GREM1: variants seen among roughly 807,000 people sequenced by gnomAD.
GREM1 encodes gremlin-1.
In GREM1, 6 loss-of-function variants were observed where a neutral mutation model predicts 13.1. The ratio of observed to expected loss-of-function variants is 0.46; its 90% CI spans 0.25 to 0.91. The LOEUF (loss-of-function observed/expected upper bound fraction) is 0.91. Ranked by LOEUF, GREM1 falls within the 40% of genes least tolerant of loss-of-function variation. GREM1 has a pLI of 0.18. For synonymous variants in GREM1, 98 were observed against 93.7 expected (o/e 1.05, Z -0.27); for missense variants, 185 against 233.9 (o/e 0.79, Z 1.36).
At chr15:32,725,850 C>T (rs547160853) in intron 1 of GREM1, among the ~76,000 whole-genome samples, 96 of 151,562 alleles carry the variant, frequency 6.3e-4, no homozygotes, top group African/African-American at 2.2e-3. Flanking sequence ...CAGTTTTCTG[C>T]GTATGGCTAG....
chr15:32,718,217 A>G lies in GREM1; in HGVS notation c.-2+56A>G, dbSNP rs2055328244. 3 of 1,284,892 alleles carry G rather than the reference A, an allele frequency of 2.3e-6. No homozygotes were observed. In the East Asian group the frequency reaches 1.1e-4, roughly 47 times the overall value. The allele number at this position is 1,284,892 out of a possible 1,614,324, so 79.6% of individuals were successfully genotyped here. On this transcript the variant is annotated intron_variant, in intron 1 of 1. Transcript: ENST00000651154. ...AGTGGGCGGAGGGAAGAGGGCCGCA[A>G]ACCAACCCAGGACCCGCTCAGTTCC...
At position 32,732,491 on chromosome 15, in the gene GREM1, G is replaced by A. The variant is rs1379651916; in HGVS notation, c.*1246G>A. 8.1e-6 allele frequency: 2 copies of A among 245,510 alleles called. No individual in the cohort carries two copies. The highest frequency in any genetic ancestry group is 1.7e-5 in the Non-Finnish European group (2 of 116,528). 15.2% of individuals were successfully genotyped at this position (245,510 alleles called of 1,614,324 possible). A position where few individuals can be genotyped will look rare whatever the true frequency, so the allele number is the denominator to read the frequency against. ...TATTGTCAGGAGATTGGGCTAAAGA[G>A]AAGACGACGAGAGTAAGGAAATAAA... is the stretch of plus-strand genomic sequence containing the variant. On this transcript the variant is annotated 3_prime_UTR_variant, in exon 2 of 2. Coordinates refer to ENST00000651154, the MANE Select transcript of GREM1 (RefSeq NM_013372.7).
chr15:32,721,782 A>C (rs946615806), intron 1 of GREM1, among the ~76,000 whole-genome samples: 10 of 152,150 alleles, frequency 6.6e-5, no homozygotes, highest in African/African-American at 2.4e-4. Context: ...GCAGTGACTA[A>C]CACATCTTTC....
rs2055682353 is a variant in GREM1, at chr15:32,735,257, G to T, written c.*4012G>T. 1 of 152,112 alleles carries T rather than the reference G, an allele frequency of 6.6e-6. No homozygotes were observed. The highest frequency in any genetic ancestry group is 1.9e-4 in the East Asian group (1 of 5,182). The allele number at this position is 152,112 out of a possible 1,614,324, so 9.4% of individuals were successfully genotyped here. ...AATACAAGATTTCTATTAGGTATGG[G>T]TGCTCTGATGATAATGAAAATCCCA... is the stretch of plus-strand genomic sequence containing the variant. On this transcript the variant is annotated 3_prime_UTR_variant, in exon 2 of 2. Coordinates refer to ENST00000651154, the MANE Select transcript of GREM1 (RefSeq NM_013372.7).
Position 32,718,071 on chromosome 15 carries a change from A to AC in GREM1, c.-88dup, listed in dbSNP as rs2055324453. 5 of 1,215,438 alleles carry AC rather than the reference A, an allele frequency of 4.1e-6. No individual in the cohort carries two copies. Among genetic ancestry groups the AC allele is most frequent in the Non-Finnish European group, 5.2e-6 (5 of 965,378 alleles). The allele number at this position is 1,215,438 out of a possible 1,614,324, so 75.3% of individuals were successfully genotyped here. ...CGCCGCGTCACTCTCGGTCCCGCTG[A>AC]CCCCGCGCCGAGCCCCGGCGGCTCT... On this transcript the variant is annotated 5_prime_UTR_variant, in exon 1 of 2. Transcript: ENST00000651154.
intron 1 of GREM1, among the ~76,000 whole-genome samples, chr15:32,726,673 C>CA (rs1298291813): frequency 4.1e-5 from 6 of 145,474 alleles, no homozygotes; most frequent in African/African-American, 1.5e-4. Flanking sequence ...GATAGAGACA[C>CA]AAAAAACCCT....
rs981545720 is a variant in GREM1 at position 32,735,022 on chromosome 15, G to A, written c.*3777G>A. 2.6e-5 allele frequency: 4 copies of A among 152,570 alleles called. No individual in the cohort carries two copies. The highest frequency in any genetic ancestry group is 9.6e-5 in the African/African-American group (4 of 41,560). The allele number at this position is 152,570 out of a possible 1,614,324, so 9.5% of individuals were successfully genotyped here. A position where few individuals can be genotyped will look rare whatever the true frequency, so the allele number is the denominator to read the frequency against. On this transcript the variant is annotated 3_prime_UTR_variant, in exon 2 of 2. Coordinates refer to ENST00000651154, the MANE Select transcript of GREM1 (RefSeq NM_013372.7). ...CAGGGGAAAAGCAGGAGAAAGATTT[G>A]GGGCTCAGTAGAAGGAAAAGCTTCC...
chr15:32,744,532 C>T lies in GREM1; in HGVS notation c.*13287C>T, dbSNP rs1014097158. The T allele has an allele frequency of 1.4e-5, 2 of 146,050 alleles. No homozygotes were observed. Among genetic ancestry groups the T allele is most frequent in the African/African-American group, 5.1e-5 (2 of 39,144 alleles). 9.0% of individuals were successfully genotyped at this position (146,050 alleles called of 1,614,324 possible). ...AGCTTGCAGTGAGCCGAGATCACGC[C>T]ACTGCGCTCCAGCCTGGGCGACAGA... is the stretch of plus-strand genomic sequence containing the variant. On this transcript the variant is annotated 3_prime_UTR_variant, in exon 2 of 2. Coordinates refer to ENST00000651154, the MANE Select transcript of GREM1 (RefSeq NM_013372.7).
chr15:32,728,255 A>G (rs2055549238), intron 1 of GREM1, among the ~76,000 whole-genome samples: 1 of 152,256 alleles, frequency 6.6e-6, no homozygotes, highest in Non-Finnish European at 1.5e-5. Flanking sequence ...AGGCTACAGT[A>G]ACAAAAACAG....
At position 32,740,125 on chromosome 15, in the gene GREM1, G is replaced by A. The variant is rs893976713; in HGVS notation, c.*8880G>A. 6.6e-6 allele frequency: 1 copy of A among 152,214 alleles called. No homozygotes were observed. The highest frequency in any genetic ancestry group is 1.5e-5 in the Non-Finnish European group (1 of 68,072). The allele number at this position is 152,214 out of a possible 1,614,324, so 9.4% of individuals were successfully genotyped here. A position where few individuals can be genotyped will look rare whatever the true frequency, so the allele number is the denominator to read the frequency against. On this transcript the variant is annotated 3_prime_UTR_variant, in exon 2 of 2. Coordinates refer to ENST00000651154, the MANE Select transcript of GREM1 (RefSeq NM_013372.7). ...AAATCACTGGGCAGACTTATTGGTG[G>A]GGGTCTTCTCCTCTGAGGCCCAGCT...
rs1421666262 is a variant in GREM1 at position 32,734,283 on chromosome 15, C to T, written c.*3038C>T. The T allele has an allele frequency of 4.1e-6, 1 of 244,572 alleles. No homozygotes were observed. The highest frequency in any genetic ancestry group is 2.2e-5 in the African/African-American group (1 of 45,166). 15.2% of individuals were successfully genotyped at this position (244,572 alleles called of 1,614,324 possible). A position where few individuals can be genotyped will look rare whatever the true frequency, so the allele number is the denominator to read the frequency against. On this transcript the variant is annotated 3_prime_UTR_variant, in exon 2 of 2. Coordinates refer to ENST00000651154, the MANE Select transcript of GREM1 (RefSeq NM_013372.7). ...TTGGAAGACTTACGATGCATGTATA[C>T]AAACGAATAGCAGATAATGATGACT... is the stretch of plus-strand genomic sequence containing the variant.
At chr15:32,726,433 T>C (rs2140680466) in intron 1 of GREM1, among the ~76,000 whole-genome samples, 1 of 152,250 alleles carries the variant, frequency 6.6e-6, no homozygotes, top group South Asian at 2.1e-4. Context: ...AATAAATAGG[T>C]TCTTTGAAAG....
At position 32,734,377 on chromosome 15, in the gene GREM1, G is replaced by A; in HGVS notation, c.*3132G>A. 1 of 246,548 alleles carries A rather than the reference G, an allele frequency of 4.1e-6. No homozygotes were observed. Among genetic ancestry groups the A allele is most frequent in the Non-Finnish European group, 8.5e-6 (1 of 117,212 alleles). The allele number at this position is 246,548 out of a possible 1,614,324, so 15.3% of individuals were successfully genotyped here. ...AAGTGGATAAACAGAACATTTATAA[G>A]TGATCAGTTAATGCCTAAGAGTGAA... On this transcript the variant is annotated 3_prime_UTR_variant, in exon 2 of 2. Transcript: ENST00000651154.
chr15:32,728,800 C>T (rs766288234), intron 1 of GREM1, among the ~76,000 whole-genome samples: 1 of 152,092 alleles, frequency 6.6e-6, no homozygotes, highest in Non-Finnish European at 1.5e-5. Flanking sequence ...GATTCAGGTC[C>T]GATTGTTGTG....
intron 1 of GREM1, among the ~76,000 whole-genome samples, chr15:32,730,002 G>A (rs779104219): frequency 6.6e-6 from 1 of 152,160 alleles, no homozygotes; most frequent in Non-Finnish European, 1.5e-5. Flanking sequence ...CTGTCACATT[G>A]ACATCGAGTT....
chr15:32,719,541 C>T (rs1329503089), intron 1 of GREM1, among the ~76,000 whole-genome samples: 1 of 82,152 alleles, frequency 1.2e-5, no homozygotes, highest in South Asian at 4.8e-4. Flanking sequence ...GGTTAAAATC[C>T]CCCTCTTAAA....
At position 32,730,982 on chromosome 15, in the gene GREM1, C is replaced by T; in HGVS notation, c.292C>T (p.Pro98Ser). 2.5e-6 allele frequency: 4 copies of T among 1,614,200 alleles called. No homozygotes were observed. Among genetic ancestry groups the T allele is most frequent in the Non-Finnish European group, 2.5e-6 (3 of 1,180,046 alleles). The change falls in exon 2 of 2, where the codon CCG becomes TCG. Residue 98 changes from proline to serine, a missense_variant. Coordinates refer to ENST00000651154, the MANE Select transcript of GREM1 (RefSeq NM_013372.7). Reference sequence around the variant, plus strand: ...GAAGCGAGACTGGTGCAAAACCCAGCCGCTTAAGCAGACCATCCACGAGGA... The same window carrying T: ...GAAGCGAGACTGGTGCAAAACCCAGTCGCTTAAGCAGACCATCCACGAGGA... ...YLKRDWCKTQ[P>S]LKQTIHEEGC...
At chr15:32,728,651 G>A (rs2055556133) in intron 1 of GREM1, among the ~76,000 whole-genome samples, 1 of 152,186 alleles carries the variant, frequency 6.6e-6, no homozygotes, top group African/African-American at 2.4e-5. Flanking sequence ...TTTGGTGGGA[G>A]AAATAATGTT....
At chr15:32,718,819 A>C in intron 1 of GREM1, 2 of 299,350 alleles carry the variant, frequency 6.7e-6, no homozygotes, top group Non-Finnish European at 6.7e-6. Flanking sequence ...GGTCCAGCGA[A>C]CCCGCAGTGC....
Sources: allele counts gnomAD v4.1 joint callset (sites outside exome capture counted in the v4.1 genomes callset), GRCh38; gene constraint gnomAD v4.1.1; transcripts MANE v1.5; gene names NCBI Gene and HGNC (gene_info 2026-07-23, HGNC 2026-07-21).